Variants in GK5 observed in about 807,000 individuals in gnomAD.
GK5 encodes ATP:glycerol 3-phosphotransferase 5.
GK5 carries 39 observed loss-of-function variants against 77.3 expected under a neutral mutation model. The observed-to-expected ratio is 0.50, with a 90% CI of 0.39 to 0.66. The LOEUF is 0.66. GK5 is among the 30% of genes least tolerant of loss of function. The pLI, the probability that GK5 is intolerant of heterozygous loss-of-function variation, is 0.00. For synonymous variants in GK5, 211 were observed against 208.0 expected (o/e 1.01, Z -0.13); for missense variants, 487 against 633.8 (o/e 0.77, Z 2.49).
chr3:142,188,290 G>A (rs942040187), intron 5 of GK5, among the ~76,000 whole-genome samples: 1 of 152,118 alleles, frequency 6.6e-6, no homozygotes, highest in Non-Finnish European at 1.5e-5. Context: ...CCAGCACTTT[G>A]GGAGGCCGAG....
rs2063618009 is a variant in GK5 at position 142,176,722 on chromosome 3, T to A, written c.1143+760A>T. Among the ~76,000 whole-genome samples, 3 of 95,374 alleles carry A rather than the reference T, an allele frequency of 3.1e-5. No homozygotes were observed. In the South Asian group the frequency reaches 8.9e-4, roughly 28 times the overall value. 62.6% of individuals were successfully genotyped at this position (95,374 alleles called of 152,430 possible). ...CTCTGTCACCCAGGCTGGAGTGCAG[T>A]GGCATCTCGGCTCACTGCAACCTCC... On this transcript the variant is annotated intron_variant, in intron 12 of 15. Transcript: ENST00000392993.
At chr3:142,212,225 G>T (rs2064196801) in intron 3 of GK5, among the ~76,000 whole-genome samples, 1 of 151,822 alleles carries the variant, frequency 6.6e-6, no homozygotes, top group African/African-American at 2.4e-5. Flanking sequence ...TGGGCGGGGG[G>T]ATTTTGGGGG....
In GK5 at chr3:142,160,696, T is replaced by A. The variant is rs1160335622; in HGVS notation, c.*4926A>T. 1 of 152,232 alleles carries A rather than the reference T, an allele frequency of 6.6e-6. No individual in the cohort carries two copies. The highest frequency in any genetic ancestry group is 1.5e-5 in the Non-Finnish European group (1 of 68,044). The allele number at this position is 152,232 out of a possible 1,614,324, so 9.4% of individuals were successfully genotyped here. On this transcript the variant is annotated 3_prime_UTR_variant, in exon 16 of 16. Coordinates refer to ENST00000392993, the MANE Select transcript of GK5 (RefSeq NM_001039547.3). ...CATGTGTCTCTACACAAATAGTTTT[T>A]CAAATATATAAACATATTAAGAATT...
At chr3:142,175,250 G>C (rs1161821389) in intron 12 of GK5, among the ~76,000 whole-genome samples, 1 of 152,130 alleles carries the variant, frequency 6.6e-6, no homozygotes, top group Non-Finnish European at 1.5e-5. Flanking sequence ...CCCTGCTAGA[G>C]GAAAGCCATA....
intron 9 of GK5, chr3:142,185,727 A>C (rs1358776659): frequency 6.5e-7 from 1 of 1,532,868 alleles, no homozygotes; most frequent in South Asian, 1.2e-5. Flanking sequence ...CCATGATAGA[A>C]TACTGGCTCA....
Position 142,164,086 on chromosome 3 carries a change from A to G in GK5, c.*1536T>C, listed in dbSNP as rs1303208081. 1 of 152,146 alleles carries G rather than the reference A, an allele frequency of 6.6e-6. No individual in the cohort carries two copies. The highest frequency in any genetic ancestry group is 1.5e-5 in the Non-Finnish European group (1 of 68,020). The allele number at this position is 152,146 out of a possible 1,614,324, so 9.4% of individuals were successfully genotyped here. On this transcript the variant is annotated 3_prime_UTR_variant, in exon 16 of 16. Transcript: ENST00000392993. ...TTAATTAGATTTAATAATACTATAT[A>G]TTTGTTACAATGCCTTCATCAGAAA...
intron 8 of GK5, 49 bp downstream of exon 8, chr3:142,186,145 G>A: frequency 7.9e-7 from 1 of 1,271,314 alleles, no homozygotes; most frequent in Non-Finnish European, 1.1e-6. Flanking sequence ...GAAACAAAAT[G>A]AATTCAAGAA....
intron 10 of GK5, among the ~76,000 whole-genome samples, chr3:142,182,041 C>T (rs779182960): frequency 2.6e-4 from 40 of 152,280 alleles, no homozygotes; most frequent in African/African-American, 8.4e-4. Context: ...GAATTATCAA[C>T]ATTTTCTAAT....
chr3:142,212,827 TTC>T (rs1491355318), intron 3 of GK5, among the ~76,000 whole-genome samples: 2 of 146,150 alleles, frequency 1.4e-5, no homozygotes, highest in Non-Finnish European at 1.5e-5. Context: ...GACAAATATT[TTC>T]TTTTTTTTTT....
At position 142,159,847 on chromosome 3, in the gene GK5, C is replaced by CTTTTTTTTTTTTTTTTTTTTTTTTT. The variant is rs1407448771; in HGVS notation, c.*5774_*5775insAAAAAAAAAAAAAAAAAAAAAAAAA. Reference sequence around the variant, plus strand: ...TGGGGCTTTCTCTCTCTCTCTCTCTCTCTCTCTTTTTTTTTTTTGAGACAG... The same window carrying CTTTTTTTTTTTTTTTTTTTTTTTTT: ...TGGGGCTTTCTCTCTCTCTCTCTCTCTTTTTTTTTTTTTTTTTTTTTTTTTTCTCTCTTTTTTTTTTTTGAGACAG... On this transcript the variant is annotated 3_prime_UTR_variant, in exon 16 of 16. Transcript: ENST00000392993. The CTTTTTTTTTTTTTTTTTTTTTTTTT allele has an allele frequency of 4.8e-5, 5 of 103,202 alleles. No homozygotes were observed. The highest frequency in any genetic ancestry group is 2.0e-4 in the African/African-American group (5 of 25,190). The allele number at this position is 103,202 out of a possible 1,614,324, so 6.4% of individuals were successfully genotyped here. A position where few individuals can be genotyped will look rare whatever the true frequency, so the allele number is the denominator to read the frequency against.
At chr3:142,199,029 G>T in intron 4 of GK5, 96 bp from the exon 5 acceptor site, 1 of 801,822 alleles carries the variant, frequency 1.2e-6, no homozygotes, top group South Asian at 2.1e-5. Flanking sequence ...CCAATAACAA[G>T]TCATTTAACT....
chr3:142,225,219 G>A, intron 1 of GK5, 90 bp downstream of exon 1: 1 of 1,356,972 alleles, frequency 7.4e-7, no homozygotes, highest in Non-Finnish European at 9.7e-7. Context: ...AGGGCGGTAG[G>A]TGGGGCCTGC....
intron 6 of GK5, among the ~76,000 whole-genome samples, 183 bp downstream of exon 6, chr3:142,187,521 C>T (rs1415284934): frequency 2.0e-5 from 3 of 151,576 alleles, no homozygotes; most frequent in Non-Finnish European, 4.4e-5. Flanking sequence ...GGGAGGATCG[C>T]TTGAGCCCAG....
intron 8 of GK5, 75 bp from the exon 9 acceptor site, chr3:142,186,064 T>C (rs2063765739): frequency 7.7e-7 from 1 of 1,305,552 alleles, no homozygotes; most frequent in Non-Finnish European, 1.1e-6. Flanking sequence ...AATTGTTTTT[T>C]TGCATAAGCC....
intron 5 of GK5, among the ~76,000 whole-genome samples, chr3:142,193,855 C>T (rs1319323669): frequency 1.3e-5 from 2 of 152,132 alleles, no homozygotes; most frequent in African/African-American, 4.8e-5. Flanking sequence ...ATTCTCCTGC[C>T]TCAGCCTCCC....
intron 15 of GK5, among the ~76,000 whole-genome samples, chr3:142,166,834 G>A (rs1022873381): frequency 6.6e-6 from 1 of 152,096 alleles, no homozygotes; most frequent in Admixed American, 6.6e-5. Context: ...AGCACCAGGT[G>A]AGAACATTTA....
intron 1 of GK5, among the ~76,000 whole-genome samples, chr3:142,216,801 T>TCA (rs2064281702): frequency 6.6e-6 from 1 of 152,166 alleles, no homozygotes; most frequent in Admixed American, 6.6e-5. Context: ...AAAGGATAGA[T>TCA]CACTGCCCAG....
intron 1 of GK5, 79 bp from the exon 2 acceptor site, chr3:142,215,771 G>A: frequency 4.8e-6 from 3 of 629,294 alleles, no homozygotes; most frequent in Non-Finnish European, 8.4e-6. Context: ...CAAAACTACT[G>A]GTTAAAATAA....
At chr3:142,168,268 G>A (rs1205045677) in intron 15 of GK5, among the ~76,000 whole-genome samples, 2 of 152,140 alleles carry the variant, frequency 1.3e-5, no homozygotes, top group South Asian at 2.1e-4. Context: ...AATCAGGCAC[G>A]TGAAAGTAAT....
Sources: gnomAD v4.1 joint callset for allele counts (sites outside exome capture counted in the v4.1 genomes callset) on GRCh38, gnomAD v4.1.1 for gene constraint, MANE v1.5 for transcripts, NCBI Gene and HGNC (gene_info 2026-07-23, HGNC 2026-07-21) for gene names.